SH3BP4: variants seen among roughly 807,000 people sequenced by gnomAD.
SH3BP4 encodes SH3 domain binding protein 4.
A neutral mutation model predicts 65.5 loss-of-function variants in SH3BP4; 33 were observed. That is an observed-to-expected ratio of 0.50 (90% CI 0.38 to 0.67). SH3BP4 has a LOEUF of 0.67. Ranked by LOEUF, SH3BP4 falls within the 30% of genes least tolerant of loss-of-function variation. The pLI is 0.00. For missense variants in SH3BP4, 1,134 were observed against 1,261.4 expected (o/e 0.90, Z 1.53); for synonymous variants, 552 against 545.5 (o/e 1.01, Z -0.17).
Position 235,030,143 on chromosome 2 carries a change from G to A in SH3BP4, c.-132-4728G>A, listed in dbSNP as rs1411702730. On this transcript the variant is annotated intron_variant, in intron 2 of 5. Coordinates refer to ENST00000392011, the MANE Select transcript of SH3BP4 (RefSeq NM_014521.3). This position sits in a 1 kb window ranked among gnomAD's most constrained non-coding sequence, Gnocchi z 4.1. ...GATTTTTTTAAAAGCGGTGAGCACT[G>A]TCCAGAAGTGTTGTAGCAGGGCAGC... Among the ~76,000 whole-genome samples, 1 of 152,128 alleles carries A rather than the reference G, an allele frequency of 6.6e-6. No individual in the cohort carries two copies. Among genetic ancestry groups the A allele is most frequent in the Non-Finnish European group, 1.5e-5 (1 of 68,028 alleles).
chr2:235,036,799 G>T (rs546059083), intron 3 of SH3BP4, among the ~76,000 whole-genome samples: 65 of 149,294 alleles, frequency 4.4e-4, no homozygotes, highest in African/African-American at 1.5e-3. Flanking sequence ...ATCCCTAAAA[G>T]AATCCCTAAT....
At chr2:234,965,573 G>A (rs544392254) in intron 1 of SH3BP4, among the ~76,000 whole-genome samples, 197 of 152,326 alleles carry the variant, frequency 1.3e-3, no homozygotes, top group Non-Finnish European at 2.0e-3. Context: ...AGGTGAAAAG[G>A]AAATAGTGAA....
intron 2 of SH3BP4, among the ~76,000 whole-genome samples, chr2:235,025,890 A>C (rs1241994975): frequency 6.6e-6 from 1 of 152,168 alleles, no homozygotes; most frequent in African/African-American, 2.4e-5. Flanking sequence ...AGTGGGTGGG[A>C]AGAAAGGCAC....
rs563175533 is a variant in SH3BP4 at position 235,053,915 on chromosome 2, T to C, written c.*99T>C. The stretch of plus-strand genomic sequence containing the variant: ...AGCTGAAGAGGGAGGAAGGGGCGGC[T>C]GCTCAGACAGATTTAGGGCCCGCCA... On this transcript the variant is annotated 3_prime_UTR_variant, in exon 6 of 6. Coordinates refer to ENST00000392011, the MANE Select transcript of SH3BP4 (RefSeq NM_014521.3). The C allele has an allele frequency of 2.7e-5, 26 of 969,570 alleles. No homozygotes were observed. The East Asian group carries it at 5.0e-4, about 19-fold the overall frequency. The allele number at this position is 969,570 out of a possible 1,614,324, so 60.1% of individuals were successfully genotyped here.
chr2:234,985,856 A>G (rs1185905213), intron 1 of SH3BP4, among the ~76,000 whole-genome samples: 1 of 151,118 alleles, frequency 6.6e-6, no homozygotes, highest in Non-Finnish European at 1.5e-5. Flanking sequence ...AGCCCTGGAT[A>G]CACGCCTATG....
At chr2:234,958,592 C>CA (rs1398974434) in intron 1 of SH3BP4, among the ~76,000 whole-genome samples, 24 of 151,814 alleles carry the variant, frequency 1.6e-4, no homozygotes, top group African/African-American at 5.8e-4. Flanking sequence ...GGATCACCCC[C>CA]AGAAGGGGCA....
At position 235,038,366 on chromosome 2, in the gene SH3BP4, AATAT is replaced by A. The variant is rs1231135377; in HGVS notation, c.119-2516_119-2513del. Among the ~76,000 whole-genome samples, 33 of 39,670 alleles carry A rather than the reference AATAT, an allele frequency of 8.3e-4. 1 individual carries two copies. The highest frequency in any genetic ancestry group is 1.3e-3 in the Non-Finnish European group (30 of 22,920). 26.0% of individuals were successfully genotyped at this position (39,670 alleles called of 152,430 possible). A position where few individuals can be genotyped will look rare whatever the true frequency, so the allele number is the denominator to read the frequency against. The stretch of plus-strand genomic sequence containing the variant: ...ATATATATTTTATATATATATATAT[AATAT>A]ATATACATATATATATATATATATA... On this transcript the variant is annotated intron_variant, in intron 3 of 5. Transcript: ENST00000392011.
Position 235,030,126 on chromosome 2 carries a change from T to A in SH3BP4, c.-132-4745T>A, listed in dbSNP as rs75542776. 4.5e-3 allele frequency among the ~76,000 whole-genome samples: 687 copies of A among 152,176 alleles called. 8 individuals are homozygous for A. The highest frequency in any genetic ancestry group is 0.016 in the African/African-American group (651 of 41,496). ...CCAGGGGAGAGCAGACTGATTTTTT[T>A]AAAAGCGGTGAGCACTGTCCAGAAG... On this transcript the variant is annotated intron_variant, in intron 2 of 5. Transcript: ENST00000392011. This position sits in a 1 kb window ranked among gnomAD's most constrained non-coding sequence, Gnocchi z 4.1.
Position 235,038,365 on chromosome 2 carries a change from TAATATATATACA to T in SH3BP4, c.119-2522_119-2511del, listed in dbSNP as rs1695502159. On this transcript the variant is annotated intron_variant, in intron 3 of 5. Coordinates refer to ENST00000392011, the MANE Select transcript of SH3BP4 (RefSeq NM_014521.3). ...TATATATATTTTATATATATATATATAATATATATACATATATATATATATATATATATATAT... is the reference window on the plus strand; with the variant it reads ...TATATATATTTTATATATATATATATTATATATATATATATATATATATAT... Among the ~76,000 whole-genome samples the T allele has an allele frequency of 1.1e-4, 4 of 36,130 alleles. 1 individual carries two copies. The highest frequency in any genetic ancestry group is 7.8e-4 in the African/African-American group (4 of 5,140). 23.7% of individuals were successfully genotyped at this position (36,130 alleles called of 152,430 possible).
Position 235,052,606 on chromosome 2 carries a change from C to T in SH3BP4, c.2523C>T (p.Ile841=), listed in dbSNP as rs374880124. The T allele has an allele frequency of 6.4e-7, 1 of 1,558,006 alleles. No individual in the cohort carries two copies. Among genetic ancestry groups the T allele is most frequent in the African/African-American group, 1.4e-5 (1 of 73,376 alleles). Residue 841 remains isoleucine (I), a synonymous_variant, in exon 5 of 6, where the codon ATC becomes ATT. Transcript: ENST00000392011. This position sits in a 1 kb window ranked among gnomAD's most constrained non-coding sequence, Gnocchi z 5.0. ...GCCAGGGCCTGGTGGTCAGACTCATCCAGGACTTTGTGCTCCTGACCACGG... is the reference window on the plus strand; with the variant it reads ...GCCAGGGCCTGGTGGTCAGACTCATTCAGGACTTTGTGCTCCTGACCACGG... The part of the protein sequence containing the change: ...MDCQGLVVRL[I]QDFVLLTTAV...
At position 234,959,109 on chromosome 2, in the gene SH3BP4, G is replaced by T. The variant is rs148804858; in HGVS notation, c.-207+6939G>T. Among the ~76,000 whole-genome samples the T allele has an allele frequency of 6.7e-3, 1,023 of 152,238 alleles. 10 individuals are homozygous for T. The highest frequency in any genetic ancestry group is 0.023 in the African/African-American group (945 of 41,518). ...TAACATCTGCAACTTTTTCCCACTA[G>T]CCTTTGTGGAGGGCTGGCTGGGGGG... On this transcript the variant is annotated intron_variant, in intron 1 of 5. Transcript: ENST00000392011.
chr2:234,984,488 C>T (rs1049178586), intron 1 of SH3BP4, among the ~76,000 whole-genome samples: 1 of 152,134 alleles, frequency 6.6e-6, no homozygotes, highest in African/African-American at 2.4e-5. Flanking sequence ...AAATTACAGG[C>T]ATGAGCCACT....
intron 2 of SH3BP4, among the ~76,000 whole-genome samples, chr2:234,999,946 G>A (rs567947207): frequency 5.3e-5 from 8 of 152,210 alleles, no homozygotes; most frequent in Non-Finnish European, 1.2e-4. Context: ...ACCTGCCCTT[G>A]GGCTGCTTTT....
At chr2:235,011,293 C>T (rs573393031) in intron 2 of SH3BP4, among the ~76,000 whole-genome samples, 10 of 152,244 alleles carry the variant, frequency 6.6e-5, no homozygotes, top group South Asian at 6.2e-4. Flanking sequence ...CTTAAAGCCA[C>T]GTTCCTTCAA....
chr2:235,054,440 G>C lies in SH3BP4; in HGVS notation c.*624G>C, dbSNP rs1035786406. 4 of 152,408 alleles carry C rather than the reference G, an allele frequency of 2.6e-5. No individual in the cohort carries two copies. Among genetic ancestry groups the C allele is most frequent in the Admixed American group, 2.0e-4 (3 of 15,346 alleles). The allele number at this position is 152,408 out of a possible 1,614,324, so 9.4% of individuals were successfully genotyped here. On this transcript the variant is annotated 3_prime_UTR_variant, in exon 6 of 6. Coordinates refer to ENST00000392011, the MANE Select transcript of SH3BP4 (RefSeq NM_014521.3). ...CCCTCCTCGGATTTGATTGTCTTCC[G>C]TGCTTTGCCTCACTCGTAGTAAATG...
chr2:234,962,981 C>G (rs1449858471), intron 1 of SH3BP4, among the ~76,000 whole-genome samples: 1 of 152,076 alleles, frequency 6.6e-6, no homozygotes, highest in Non-Finnish European at 1.5e-5. Context: ...AACTCCTGAT[C>G]CCAAGCGATC....
At position 235,041,732 on chromosome 2, in the gene SH3BP4, C is replaced by T. The variant is rs766675635; in HGVS notation, c.963C>T (p.Cys321=). 6.2e-7 allele frequency: 1 copy of T among 1,610,876 alleles called. No homozygotes were observed. The highest frequency in any genetic ancestry group is 8.5e-7 in the Non-Finnish European group (1 of 1,178,122). ...QTQAVETNIV[C]KLDSSGGAVQ... Reference sequence around the variant, plus strand: ...AAGCCGTGGAGACAAACATCGTGTGCAAGCTGGATAGCTCCGGGGGTGCTG... The same window carrying T: ...AAGCCGTGGAGACAAACATCGTGTGTAAGCTGGATAGCTCCGGGGGTGCTG... The change falls in exon 4 of 6, where the codon TGC becomes TGT. Residue 321 remains cysteine, a synonymous_variant. Coordinates refer to ENST00000392011, the MANE Select transcript of SH3BP4 (RefSeq NM_014521.3). The surrounding 1 kb of genome is among the most constrained non-coding windows in gnomAD (Gnocchi z 6.0).
chr2:235,013,831 TG>T (rs1417791869), intron 2 of SH3BP4, among the ~76,000 whole-genome samples: 4 of 152,232 alleles, frequency 2.6e-5, no homozygotes, highest in Admixed American at 2.0e-4. Context: ...GAAATGCCTT[TG>T]CCCAGGGTCA....
rs1559237426 is a variant in SH3BP4, at chr2:234,997,988, T to G, written c.-133+2612T>G. Among the ~76,000 whole-genome samples, 1 of 151,708 alleles carries G rather than the reference T, an allele frequency of 6.6e-6. No homozygotes were observed. ...ATACAAAAAAATTAGCCGGGCGTGG[T>G]GGTGGGCGCCTATAGTCCCAGCTAC... On this transcript the variant is annotated intron_variant, in intron 2 of 5. Coordinates refer to ENST00000392011, the MANE Select transcript of SH3BP4 (RefSeq NM_014521.3). The surrounding 1 kb of genome is among the most constrained non-coding windows in gnomAD (Gnocchi z 4.2).
Sources: allele counts gnomAD v4.1 joint callset (sites outside exome capture counted in the v4.1 genomes callset), GRCh38; gene constraint gnomAD v4.1.1; non-coding constraint Gnocchi (gnomAD v3.1); transcripts MANE v1.5; gene names NCBI Gene and HGNC (gene_info 2026-07-23, HGNC 2026-07-21).